TMEM120B: variants seen among roughly 807,000 people sequenced by gnomAD.
TMEM120B encodes the protein transmembrane protein 120B.
A neutral mutation model predicts 55.5 loss-of-function variants in TMEM120B; 31 were observed. The observed-to-expected ratio is 0.56, with a 90% CI of 0.42 to 0.75. The LOEUF (loss-of-function observed/expected upper bound fraction) is 0.75, where lower values mean the gene tolerates loss of function less well. TMEM120B is among the 30% of genes least tolerant of loss of function. The probability of loss-of-function intolerance (pLI) is 0.00; values close to 1 mark genes in which losing one functional copy is unlikely to be tolerated. For missense variants in TMEM120B, 399 were observed against 425.5 expected (o/e 0.94, Z 0.55); for synonymous variants, 203 against 176.3 (o/e 1.15, Z -1.20).
chr12:121,763,843 G>A (rs201187444), intron 6 of TMEM120B, among the ~76,000 whole-genome samples: 6 of 152,172 alleles, frequency 3.9e-5, no homozygotes, highest in African/African-American at 1.4e-4. Flanking sequence ...CAGGAGCTGC[G>A]CAGCCCCCAC....
chr12:121,750,671 AC>A (rs1274029643), intron 4 of TMEM120B, among the ~76,000 whole-genome samples: 2 of 106,678 alleles, frequency 1.9e-5, no homozygotes, highest in Admixed American at 9.5e-5. Flanking sequence ...CCACACCCAC[AC>A]CCCACACCAC....
chr12:121,773,951 CTTTTTT>C (rs560321014), intron 9 of TMEM120B, among the ~76,000 whole-genome samples: 1 of 96,610 alleles, frequency 1.0e-5, no homozygotes. Flanking sequence ...ACTCTGCTAT[CTTTTTT>C]TTTTTTTTTT....
At position 121,780,526 on chromosome 12, in the gene TMEM120B, G is replaced by T. The variant is rs1465742672; in HGVS notation, c.*4804G>T. ...GCAGACAGGACACGACAGGACGGCG[G>T]CTCATAGCACAGACTTTGGATTGCA... On this transcript the variant is annotated 3_prime_UTR_variant, in exon 12 of 12. Coordinates refer to ENST00000449592, the MANE Select transcript of TMEM120B (RefSeq NM_001080825.2). The T allele has an allele frequency of 2.3e-6, 1 of 437,894 alleles. No individual in the cohort carries two copies. Among genetic ancestry groups the T allele is most frequent in the Non-Finnish European group, 4.1e-6 (1 of 246,398 alleles). 27.1% of individuals were successfully genotyped at this position (437,894 alleles called of 1,614,324 possible).
chr12:121,741,477 G>A (rs538936148), intron 1 of TMEM120B, among the ~76,000 whole-genome samples: 1 of 152,260 alleles, frequency 6.6e-6, no homozygotes, highest in African/African-American at 2.4e-5. Flanking sequence ...TTACAGGCAT[G>A]TGCCATCACG....
chr12:121,763,472 CT>C (rs1443264427), intron 6 of TMEM120B, among the ~76,000 whole-genome samples: 35 of 151,764 alleles, frequency 2.3e-4, no homozygotes, highest in Admixed American at 2.2e-3. Context: ...GAGATGGAGT[CT>C]TGTTCTGTGG....
intron 5 of TMEM120B, among the ~76,000 whole-genome samples, chr12:121,756,775 C>T (rs1182220584): frequency 1.3e-5 from 2 of 152,240 alleles, no homozygotes. Flanking sequence ...CTTGCTGAAC[C>T]TTTGCTCACA....
In TMEM120B at chr12:121,717,364, C is replaced by T. The variant is rs539090080; in HGVS notation, c.69+4400C>T. On this transcript the variant is annotated intron_variant, in intron 1 of 11. Coordinates refer to ENST00000449592, the MANE Select transcript of TMEM120B (RefSeq NM_001080825.2). Reference sequence around the variant, plus strand: ...AGATTTTGGCTTTTACTGCTAATGACATGTACATCCGTCTGGCTGCTGTGT... The same window carrying T: ...AGATTTTGGCTTTTACTGCTAATGATATGTACATCCGTCTGGCTGCTGTGT... Among the ~76,000 whole-genome samples, 14 of 152,304 alleles carry T rather than the reference C, an allele frequency of 9.2e-5. No homozygotes were observed. The South Asian group carries it at 2.9e-3, about 32-fold the overall frequency.
At chr12:121,716,521 G>A (rs1030508955) in intron 1 of TMEM120B, among the ~76,000 whole-genome samples, 3 of 149,468 alleles carry the variant, frequency 2.0e-5, no homozygotes, top group Non-Finnish European at 4.5e-5. Context: ...GTAACAATGT[G>A]TAATGTCTCT....
In TMEM120B at chr12:121,724,030, C is replaced by CTTTT. The variant is rs56972824; in HGVS notation, c.69+11088_69+11091dup. Among the ~76,000 whole-genome samples, 207 of 76,016 alleles carry CTTTT rather than the reference C, an allele frequency of 2.7e-3. 3 individuals are homozygous for CTTTT. The highest frequency in any genetic ancestry group is 3.5e-3 in the Non-Finnish European group (145 of 41,682). The allele number at this position is 76,016 out of a possible 152,430, so 49.9% of individuals were successfully genotyped here. ...TTGTCCAGGCTGGTCTCAAGTGATC[C>CTTTT]TTTTTTTTTTTTTTTTTTTTTTTTT... On this transcript the variant is annotated intron_variant, in intron 1 of 11. Coordinates refer to ENST00000449592, the MANE Select transcript of TMEM120B (RefSeq NM_001080825.2).
Position 121,719,763 on chromosome 12 carries a change from C to T in TMEM120B, c.69+6799C>T, listed in dbSNP as rs188615532. On this transcript the variant is annotated intron_variant, in intron 1 of 11. Transcript: ENST00000449592. ...AGGCTGGAGTACAATGGCTCTGTCTCGGCTCACTGCAACCTCTGCCTCTCG... is the reference window on the plus strand; with the variant it reads ...AGGCTGGAGTACAATGGCTCTGTCTTGGCTCACTGCAACCTCTGCCTCTCG... Among the ~76,000 whole-genome samples, 302 of 152,126 alleles carry T rather than the reference C, an allele frequency of 2.0e-3. 1 individual carries two copies. The highest frequency in any genetic ancestry group is 7.0e-3 in the African/African-American group (289 of 41,518).
chr12:121,771,691 A>G lies in TMEM120B; in HGVS notation c.679+142A>G, dbSNP rs898698550. 3 of 856,716 alleles carry G rather than the reference A, an allele frequency of 3.5e-6. No individual in the cohort carries two copies. The African/African-American group carries it at 5.0e-5, about 14-fold the overall frequency. The allele number at this position is 856,716 out of a possible 1,614,324, so 53.1% of individuals were successfully genotyped here. A position where few individuals can be genotyped will look rare whatever the true frequency, so the allele number is the denominator to read the frequency against. On this transcript the variant is annotated intron_variant, in intron 8 of 11. Coordinates refer to ENST00000449592, the MANE Select transcript of TMEM120B (RefSeq NM_001080825.2). ...GGGGGAGAGGGTCCCAGAAATCCAGAAGGAGAGCTGTCCCCGCCCCAGGTC... is the reference window on the plus strand; with the variant it reads ...GGGGGAGAGGGTCCCAGAAATCCAGGAGGAGAGCTGTCCCCGCCCCAGGTC...
At chr12:121,748,226 G>A in intron 2 of TMEM120B, 100 bp from the exon 3 acceptor site, 1 of 718,446 alleles carries the variant, frequency 1.4e-6, no homozygotes, top group Non-Finnish European at 2.4e-6. Flanking sequence ...GAAGGTAGGA[G>A]GCACTGGGGT....
chr12:121,779,626 A>G lies in TMEM120B; in HGVS notation c.*3904A>G, dbSNP rs1874372535. On this transcript the variant is annotated 3_prime_UTR_variant, in exon 12 of 12. Coordinates refer to ENST00000449592, the MANE Select transcript of TMEM120B (RefSeq NM_001080825.2). ...CGAAACTTGGCGGAACATTCCAGGT[A>G]GAGAGCAGCTCGGATCTGTTCGCAG... is the stretch of plus-strand genomic sequence containing the variant. 1 of 1,614,142 alleles carries G rather than the reference A, an allele frequency of 6.2e-7. No homozygotes were observed. The highest frequency in any genetic ancestry group is 8.5e-7 in the Non-Finnish European group (1 of 1,179,988).
intron 1 of TMEM120B, among the ~76,000 whole-genome samples, chr12:121,740,483 C>T (rs1388713905): frequency 6.7e-6 from 1 of 150,132 alleles, no homozygotes; most frequent in Non-Finnish European, 1.5e-5. Flanking sequence ...GAGACTCTGT[C>T]TTAAAAAAAA....
intron 1 of TMEM120B, among the ~76,000 whole-genome samples, chr12:121,720,586 CTGTAG>C (rs1414220093): frequency 6.6e-6 from 1 of 152,092 alleles, no homozygotes; most frequent in East Asian, 1.9e-4. Flanking sequence ...TGGCACAGGC[CTGTAG>C]TTTCAGCTAC....
intron 1 of TMEM120B, among the ~76,000 whole-genome samples, chr12:121,719,916 T>C (rs1894765108): frequency 6.6e-6 from 1 of 152,140 alleles, no homozygotes; most frequent in African/African-American, 2.4e-5. Flanking sequence ...GGCCAGCTGG[T>C]CTCGAACTCC....
intron 1 of TMEM120B, among the ~76,000 whole-genome samples, chr12:121,724,635 G>C (rs1448596237): frequency 6.8e-6 from 1 of 147,008 alleles, no homozygotes; most frequent in Non-Finnish European, 1.5e-5. Context: ...TTTTGAGATG[G>C]AGTCTCGCTC....
At chr12:121,759,162 C>T (rs1302894840) in intron 5 of TMEM120B, among the ~76,000 whole-genome samples, 1 of 151,108 alleles carries the variant, frequency 6.6e-6, no homozygotes, top group African/African-American at 2.4e-5. Flanking sequence ...GCTCACTCCC[C>T]TCGGCCTCCC....
intron 4 of TMEM120B, among the ~76,000 whole-genome samples, chr12:121,751,195 C>G (rs1873308935): frequency 7.5e-6 from 1 of 133,528 alleles, no homozygotes; most frequent in Admixed American, 7.3e-5. Flanking sequence ...ACCCCACACC[C>G]ACACCTATAC....
Sources: allele counts gnomAD v4.1 joint callset (sites outside exome capture counted in the v4.1 genomes callset), GRCh38; gene constraint gnomAD v4.1.1; transcripts MANE v1.5; gene names NCBI Gene and HGNC (gene_info 2026-07-23, HGNC 2026-07-21).